The following ANKRD17 variants were observed in gnomAD, a reference collection of about 807,000 sequenced individuals.
ANKRD17 encodes the protein ankyrin repeat domain 17.
Under a neutral mutation model 229.7 loss-of-function variants are expected in ANKRD17, and 19 were observed. The ratio of observed to expected loss-of-function variants is 0.08; its 90% confidence interval spans 0.06 to 0.12. The LOEUF (loss-of-function observed/expected upper bound fraction) is 0.12. ANKRD17 is among the 10% of genes least tolerant of loss of function. The probability of loss-of-function intolerance (pLI) is 1.00; values close to 1 mark genes in which losing one functional copy is unlikely to be tolerated. For synonymous variants in ANKRD17, 1,112 were observed against 1,146.1 expected (o/e 0.97, Z 0.60); for missense variants, 2,176 against 3,176.8 (o/e 0.68, Z 7.57).
intron 22 of ANKRD17, 136 bp downstream of exon 22, chr4:73,118,551 TA>T: frequency 2.1e-6 from 2 of 946,346 alleles, no homozygotes; most frequent in Non-Finnish European, 3.2e-6. Context: ...AATGTTGCCA[TA>T]AGAGTAATTA....
At chr4:73,095,328 C>T (rs369864524) in intron 27 of ANKRD17, among the ~76,000 whole-genome samples, 3 of 150,064 alleles carry the variant, frequency 2.0e-5, no homozygotes, top group South Asian at 2.1e-4. Flanking sequence ...AGGCCGGGCA[C>T]GGTGGCTCAC....
rs1578002825 is a variant in ANKRD17 at position 73,086,931 on chromosome 4, TATATATATATATATATATATATCTGTA to T, written c.6962-1512_6962-1486del. Among the ~76,000 whole-genome samples the T allele has an allele frequency of 1.2e-4, 7 of 59,450 alleles. No homozygotes were observed. The East Asian group carries it at 4.1e-3, about 35-fold the overall frequency. 39.0% of individuals were successfully genotyped at this position (59,450 alleles called of 152,430 possible). A position where few individuals can be genotyped will look rare whatever the true frequency, so the allele number is the denominator to read the frequency against. Reference sequence around the variant, plus strand: ...AAAAAAAAAAAAAAATATATATATATATATATATATATATATATATATCTGTAGGATTTTAAATAGGTTTAAGGACCA... The same window carrying T: ...AAAAAAAAAAAAAAATATATATATATGGATTTTAAATAGGTTTAAGGACCA... On this transcript the variant is annotated intron_variant, in intron 29 of 33. Coordinates refer to ENST00000358602, the MANE Select transcript of ANKRD17 (RefSeq NM_032217.5).
intron 17 of ANKRD17, 38 bp from the exon 18 acceptor site, chr4:73,125,096 G>A (rs1301318980): frequency 3.1e-6 from 5 of 1,608,220 alleles, no homozygotes; most frequent in Non-Finnish European, 3.4e-6. Context: ...ACATGCTAAG[G>A]CAAAAGAACA....
At chr4:73,214,005 A>G (rs141152994) in intron 1 of ANKRD17, among the ~76,000 whole-genome samples, 146 of 152,268 alleles carry the variant, frequency 9.6e-4, no homozygotes, top group African/African-American at 3.5e-3. Flanking sequence ...ATTACTCCAC[A>G]AGCAAAATAT....
chr4:73,113,785 T>A lies in ANKRD17; in HGVS notation c.4401+7A>T. 1 of 1,603,054 alleles carries A rather than the reference T, an allele frequency of 6.2e-7. No individual in the cohort carries two copies. The highest frequency in any genetic ancestry group is 8.5e-7 in the Non-Finnish European group (1 of 1,170,350). ...GGGTAGTTTTCATGTGTAAAGATTA[T>A]TGTTACCTTTTCCAAGTCTAACTCC... On this transcript the variant is annotated splice_region_variant and intron_variant, in intron 24 of 33. Transcript: ENST00000358602.
intron 1 of ANKRD17, among the ~76,000 whole-genome samples, chr4:73,241,427 A>T (rs1744025287): frequency 6.6e-6 from 1 of 152,214 alleles, no homozygotes; most frequent in Non-Finnish European, 1.5e-5. Flanking sequence ...AATATTTAAA[A>T]GGAAATCCAG....
intron 25 of ANKRD17, chr4:73,099,106 G>A (rs1015103942): frequency 5.1e-6 from 4 of 782,346 alleles, no homozygotes; most frequent in Non-Finnish European, 9.1e-6. Context: ...AGGAGGAAGA[G>A]GAGGGCATCT....
chr4:73,121,158 G>T, intron 19 of ANKRD17, 64 bp from the exon 20 acceptor site: 1 of 1,325,340 alleles, frequency 7.5e-7, no homozygotes, highest in Non-Finnish European at 1.1e-6. Context: ...AGAAAAATTG[G>T]AGATGATATA....
At position 73,080,061 on chromosome 4, in the gene ANKRD17, G is replaced by A. The variant is rs964562856; in HGVS notation, c.7160-1171C>T. Among the ~76,000 whole-genome samples the A allele has an allele frequency of 3.3e-5, 5 of 152,216 alleles. No homozygotes were observed. In the South Asian group the frequency reaches 8.3e-4, roughly 25 times the overall value. On this transcript the variant is annotated intron_variant, in intron 30 of 33. Transcript: ENST00000358602. Reference sequence around the variant, plus strand: ...GCGGAGGATGCAGTGAGCCGAGATCGTGTCACTGCACTCCAGCCTGGGTGA... The same window carrying A: ...GCGGAGGATGCAGTGAGCCGAGATCATGTCACTGCACTCCAGCCTGGGTGA...
At chr4:73,138,381 G>A (rs764612290) in intron 15 of ANKRD17, among the ~76,000 whole-genome samples, 7 of 152,034 alleles carry the variant, frequency 4.6e-5, no homozygotes, top group South Asian at 4.2e-4. Context: ...TATTAAAGGC[G>A]GACTAGCAAA....
intron 1 of ANKRD17, among the ~76,000 whole-genome samples, chr4:73,202,836 GA>G (rs1288318303): frequency 6.6e-6 from 1 of 152,122 alleles, no homozygotes; most frequent in Non-Finnish European, 1.5e-5. Context: ...AATTAGGAGG[GA>G]AAAAGGTAAA....
chr4:73,177,833 CT>C (rs1271187011), intron 1 of ANKRD17, among the ~76,000 whole-genome samples: 9 of 152,060 alleles, frequency 5.9e-5, no homozygotes, highest in African/African-American at 2.2e-4. Flanking sequence ...GAGTGTGATG[CT>C]TAGGTTGTGA....
At chr4:73,109,299 CA>C (rs34817384) in intron 24 of ANKRD17, among the ~76,000 whole-genome samples, 89 of 127,000 alleles carry the variant, frequency 7.0e-4, no homozygotes, top group South Asian at 1.5e-3. Flanking sequence ...GGCGCTGTCT[CA>C]AAAAAAAAAA....
rs1330630244 is a variant in ANKRD17, at chr4:73,115,808, A to T, written c.4284+13T>A. The T allele has an allele frequency of 1.3e-6, 2 of 1,599,434 alleles. No homozygotes were observed. Among genetic ancestry groups the T allele is most frequent in the South Asian group, 2.2e-5 (2 of 90,586 alleles). On this transcript the variant is annotated intron_variant, in intron 23 of 33. Coordinates refer to ENST00000358602, the MANE Select transcript of ANKRD17 (RefSeq NM_032217.5). ...AATAGAGTCCCTTGCTCATATAGTGAACAACATATTACCTTATCAGTGATG... is the reference window on the plus strand; with the variant it reads ...AATAGAGTCCCTTGCTCATATAGTGTACAACATATTACCTTATCAGTGATG...
intron 1 of ANKRD17, among the ~76,000 whole-genome samples, chr4:73,221,415 A>G (rs965728611): frequency 2.0e-5 from 3 of 152,174 alleles, no homozygotes; most frequent in Non-Finnish European, 4.4e-5. Flanking sequence ...TCAGAACATA[A>G]ATAAGACTTC....
At chr4:73,085,682 CAAAAA>C (rs756555808) in intron 29 of ANKRD17, among the ~76,000 whole-genome samples, 1 of 89,572 alleles carries the variant, frequency 1.1e-5, no homozygotes. Context: ...GACCCCACCT[CAAAAA>C]AAAAAAAAAA....
Position 73,141,764 on chromosome 4 carries a change from G to C in ANKRD17, c.2309C>G (p.Thr770Ser). Residue 770 changes from threonine to serine, a missense_variant, in exon 14 of 34, where the codon ACC becomes AGC. Physicochemically the swap from Thr to Ser is moderately conservative, Grantham distance 58. Around this residue, in one of 18 missense-constraint regions of ANKRD17, gnomAD observed 275 missense variants for 386.9 expected, o/e 0.71. Transcript: ENST00000358602. ...ACCTTTATTCCTGATGGGAAGAGTGGTGGCAACATTGGCAGGTGGTTTGTC... is the reference window on the plus strand; with the variant it reads ...ACCTTTATTCCTGATGGGAAGAGTGCTGGCAACATTGGCAGGTGGTTTGTC... The part of the protein sequence containing the change: ...EPDKPPANVA[T>S]TLPIRNKAAS... 2.5e-6 allele frequency: 4 copies of C among 1,613,816 alleles called. No individual in the cohort carries two copies. In the South Asian group the frequency reaches 4.4e-5, roughly 18 times the overall value.
chr4:73,093,121 T>C (rs1722942775), intron 28 of ANKRD17, among the ~76,000 whole-genome samples: 1 of 152,168 alleles, frequency 6.6e-6, no homozygotes, highest in Admixed American at 6.5e-5. Context: ...TGAGGTATGA[T>C]GTAACTATTA....
chr4:73,176,500 C>T (rs1734755849), intron 2 of ANKRD17, among the ~76,000 whole-genome samples: 1 of 151,836 alleles, frequency 6.6e-6, no homozygotes, highest in Non-Finnish European at 1.5e-5. Context: ...ATCTGCATTC[C>T]CATGTTAATT....
Sources: gnomAD v4.1 joint callset for allele counts (sites outside exome capture counted in the v4.1 genomes callset) on GRCh38, gnomAD v4.1.1 for gene constraint, gnomAD v4.1.1 regional missense constraint, MANE v1.5 for transcripts, NCBI Gene and HGNC (gene_info 2026-07-23, HGNC 2026-07-21) for gene names.